The following SLC9A7 variants were observed in gnomAD, a reference collection of about 807,000 sequenced individuals.
SLC9A7 encodes sodium/hydrogen exchanger 7.
Under a neutral mutation model 52.6 loss-of-function variants are expected in SLC9A7, and 19 were observed. The observed-to-expected ratio is 0.36, with a 90% confidence interval of 0.25 to 0.53. The LOEUF is 0.53. Ranked by LOEUF, SLC9A7 falls within the 20% of genes least tolerant of loss-of-function variation. The pLI, the probability that SLC9A7 is intolerant of heterozygous loss-of-function variation, is 0.91. For synonymous variants in SLC9A7, 226 were observed against 252.1 expected (o/e 0.90, Z 0.98); for missense variants, 455 against 597.9 (o/e 0.76, Z 2.49).
At chrX:46,725,681 C>G (rs1187380579) in intron 1 of SLC9A7, 1 of 1,195,065 alleles carries the variant, frequency 8.4e-7, no homozygotes, top group Non-Finnish European at 1.1e-6. Context: ...TGATCTGATC[C>G]TTATACTTCA....
chrX:46,634,613 G>T (rs756619374), intron 13 of SLC9A7, among the ~76,000 whole-genome samples: 1 of 111,847 alleles, frequency 8.9e-6, no homozygotes, highest in African/African-American at 3.3e-5. Flanking sequence ...CTTCTTGAAG[G>T]CATGCTTCAA....
rs1212879877 is a variant in SLC9A7 at position 46,606,253 on chromosome X, T to C, written c.*699A>G. 1.3e-6 allele frequency: 1 copy of C among 742,310 alleles called. No individual in the cohort carries two copies. The highest frequency in any genetic ancestry group is 2.3e-5 in the African/African-American group (1 of 43,097). The allele number at this position is 742,310 out of a possible 1,213,427, so 61.2% of individuals were successfully genotyped here. A position where few individuals can be genotyped will look rare whatever the true frequency, so the allele number is the denominator to read the frequency against. ...TAATCAAAAAATAAGAGTATAACAC[T>C]ATTTGCCTTTGGTTTTAAACATTTC... On this transcript the variant is annotated 3_prime_UTR_variant, in exon 17 of 17. Transcript: ENST00000616978.
chrX:46,717,789 TAA>T (rs1944793506), intron 1 of SLC9A7, among the ~76,000 whole-genome samples: 1 of 111,189 alleles, frequency 9.0e-6, no homozygotes, highest in African/African-American at 3.3e-5. Flanking sequence ...CTCAATGAAA[TAA>T]AAGAGGACAC....
chrX:46,736,396 C>A (rs745548657), intron 1 of SLC9A7, among the ~76,000 whole-genome samples: 2 of 111,857 alleles, frequency 1.8e-5, no homozygotes, highest in African/African-American at 3.2e-5. Context: ...AAAAAAAATT[C>A]TCTGATAGTT....
intron 4 of SLC9A7, among the ~76,000 whole-genome samples, chrX:46,672,094 T>C (rs1944033557): frequency 8.9e-6 from 1 of 112,284 alleles, no homozygotes; most frequent in Non-Finnish European, 1.9e-5. Context: ...TGCAATGTTA[T>C]TTGTTTTGTC....
In SLC9A7 at chrX:46,600,413, G is replaced by A. The variant is rs889368675; in HGVS notation, c.*6539C>T. 9.0e-6 allele frequency: 1 copy of A among 111,633 alleles called. No individual in the cohort carries two copies. The highest frequency in any genetic ancestry group is 3.3e-5 in the African/African-American group (1 of 30,712). The allele number at this position is 111,633 out of a possible 1,213,427, so 9.2% of individuals were successfully genotyped here. A position where few individuals can be genotyped will look rare whatever the true frequency, so the allele number is the denominator to read the frequency against. On this transcript the variant is annotated 3_prime_UTR_variant, in exon 17 of 17. Coordinates refer to ENST00000616978, the MANE Select transcript of SLC9A7 (RefSeq NM_001257291.2). ...TGAAAGGTGGTCATCAGAAGGAGAA[G>A]GTGACTTCTGCTGTGTGCGCTCCTG... is the stretch of plus-strand genomic sequence containing the variant.
At chrX:46,740,146 TA>T (rs1921233874) in intron 1 of SLC9A7, among the ~76,000 whole-genome samples, 2 of 111,050 alleles carry the variant, frequency 1.8e-5, no homozygotes, top group East Asian at 2.8e-4. Flanking sequence ...TCAAGAAAAA[TA>T]AATACCAAAG....
chrX:46,717,720 T>A (rs774899754), intron 1 of SLC9A7, among the ~76,000 whole-genome samples: 1 of 111,225 alleles, frequency 9.0e-6, no homozygotes, highest in East Asian at 2.8e-4. Context: ...TAAATATTTA[T>A]CCAACTGCAA....
Position 46,648,813 on chromosome X carries a change from A to T in SLC9A7, c.1351-16T>A. On this transcript the variant is annotated splice_polypyrimidine_tract_variant and intron_variant, in intron 10 of 16. Transcript: ENST00000616978. Reference sequence around the variant, plus strand: ...AGATGGCAACCTGACCACAAGGTAGAAGGTTAAGGGACCAACAGTTTCCAG... The same window carrying T: ...AGATGGCAACCTGACCACAAGGTAGTAGGTTAAGGGACCAACAGTTTCCAG... 8.8e-7 allele frequency: 1 copy of T among 1,135,889 alleles called. No homozygotes were observed. The allele number at this position is 1,135,889 out of a possible 1,213,427, so 93.6% of individuals were successfully genotyped here.
At chrX:46,624,307 C>CA (rs1943090360) in intron 14 of SLC9A7, among the ~76,000 whole-genome samples, 1 of 111,907 alleles carries the variant, frequency 8.9e-6, no homozygotes. Context: ...GAAGTGGGGA[C>CA]AGTCTTGTGG....
chrX:46,625,138 T>A (rs1943104406), intron 14 of SLC9A7, among the ~76,000 whole-genome samples: 1 of 112,331 alleles, frequency 8.9e-6, no homozygotes, highest in South Asian at 3.6e-4. Context: ...TTTTCTAGAA[T>A]GAATGCATAA....
intron 1 of SLC9A7, among the ~76,000 whole-genome samples, chrX:46,718,549 C>T (rs1263655056): frequency 8.9e-6 from 1 of 112,292 alleles, no homozygotes; most frequent in Non-Finnish European, 1.9e-5. Context: ...ATCTACCTAT[C>T]TGACAAAGGG....
At chrX:46,640,834 A>G (rs1282679522) in intron 12 of SLC9A7, among the ~76,000 whole-genome samples, 2 of 112,445 alleles carry the variant, frequency 1.8e-5, no homozygotes, top group African/African-American at 3.2e-5. Context: ...CCACAATGAG[A>G]TATTCCCACA....
chrX:46,736,956 G>A (rs1476321795), intron 1 of SLC9A7, among the ~76,000 whole-genome samples: 1 of 111,377 alleles, frequency 9.0e-6, no homozygotes, highest in East Asian at 2.8e-4. Context: ...CTGGGTCTTG[G>A]GGTTGTGGCC....
intron 15 of SLC9A7, among the ~76,000 whole-genome samples, chrX:46,614,325 C>T (rs1204594135): frequency 8.9e-6 from 1 of 112,169 alleles, no homozygotes; most frequent in Non-Finnish European, 1.9e-5. Flanking sequence ...TCATCTAACA[C>T]AAAGCCTGTT....
At chrX:46,666,473 T>C (rs1438710369) in intron 5 of SLC9A7, among the ~76,000 whole-genome samples, 2 of 112,253 alleles carry the variant, frequency 1.8e-5, no homozygotes, top group African/African-American at 3.2e-5. Flanking sequence ...ACTTCTAATT[T>C]ACAAAAACAT....
rs141734338 is a variant in SLC9A7, at chrX:46,725,261, T to C, written c.325+33444A>G. The C allele has an allele frequency of 8.6e-4, 970 of 1,126,255 alleles. 8 individuals carry two copies. In the East Asian group the frequency reaches 0.018, roughly 21 times the overall value. 92.8% of individuals were successfully genotyped at this position (1,126,255 alleles called of 1,213,427 possible). A position where few individuals can be genotyped will look rare whatever the true frequency, so the allele number is the denominator to read the frequency against. ...CTTCCGGAATTGCAGGTGCAGATGC[T>C]GTCTCATACAAATAAGAACTGTCTT... On this transcript the variant is annotated intron_variant, in intron 1 of 16. Transcript: ENST00000616978.
intron 2 of SLC9A7, 85 bp downstream of exon 2, chrX:46,682,251 G>T: frequency 1.1e-6 from 1 of 924,525 alleles, no homozygotes; most frequent in Non-Finnish European, 1.6e-6. Context: ...CAGGAGTTTG[G>T]AAGGATTTCT....
chrX:46,681,369 C>A (rs1024976965), intron 2 of SLC9A7, among the ~76,000 whole-genome samples: 1 of 112,124 alleles, frequency 8.9e-6, no homozygotes, highest in Admixed American at 9.5e-5. Flanking sequence ...CGCTGAATTT[C>A]AGAATGTTTA....
Sources: gnomAD v4.1 joint callset for allele counts (sites outside exome capture counted in the v4.1 genomes callset) on GRCh38, gnomAD v4.1.1 for gene constraint, MANE v1.5 for transcripts, NCBI Gene and HGNC (gene_info 2026-07-23, HGNC 2026-07-21) for gene names.